The following FGF14 variants were observed in gnomAD, a reference collection of about 807,000 sequenced individuals.
FGF14 encodes the protein fibroblast growth factor 14.
FGF14 carries 5 observed loss-of-function variants against 25.5 expected under a neutral mutation model. The ratio of observed to expected loss-of-function variants is 0.20; its 90% CI spans 0.10 to 0.41. The LOEUF (loss-of-function observed/expected upper bound fraction) is 0.41, where lower values mean the gene tolerates loss of function less well. FGF14 is among the 10% of genes least tolerant of loss of function. The probability of loss-of-function intolerance (pLI) is 1.00; values close to 1 mark genes in which losing one functional copy is unlikely to be tolerated. For missense variants in FGF14, 222 were observed against 320.1 expected, an observed-to-expected ratio of 0.69 and a Z score of 2.34; for synonymous variants, 138 against 118.3, an observed-to-expected ratio of 1.17 and a Z score of -1.08.
chr13:101,963,471 G>A (rs2036994972), intron 1 of FGF14, among the ~76,000 whole-genome samples: 1 of 151,700 alleles, frequency 6.6e-6, no homozygotes, highest in South Asian at 2.1e-4. Context: ...TTCCCCCTAT[G>A]TCACAAACTA....
intron 1 of FGF14, among the ~76,000 whole-genome samples, chr13:102,127,162 A>C (rs1037039827): frequency 2.6e-5 from 4 of 152,166 alleles, no homozygotes; most frequent in Admixed American, 2.6e-4. Context: ...CTACACATTC[A>C]TATTTACTCT....
intron 3 of FGF14, among the ~76,000 whole-genome samples, chr13:101,753,580 G>A (rs540547511): frequency 6.6e-6 from 1 of 152,148 alleles, no homozygotes; most frequent in Non-Finnish European, 1.5e-5. Flanking sequence ...TGAGGCAGGC[G>A]CATCACCTGA....
At chr13:102,165,676 A>C (rs12872124) in intron 1 of FGF14, among the ~76,000 whole-genome samples, 1 of 49,174 alleles carries the variant, frequency 2.0e-5, no homozygotes, top group Non-Finnish European at 3.5e-5. Context: ...GGGTGGGGGG[A>C]GGGGGGAGGG....
chr13:102,208,095 TAAGTC>T (rs2050011723), intron 1 of FGF14, among the ~76,000 whole-genome samples: 1 of 152,170 alleles, frequency 6.6e-6, no homozygotes, highest in African/African-American at 2.4e-5. Flanking sequence ...TTGAAAAACA[TAAGTC>T]ACCTCTCTTC....
chr13:102,323,835 T>C (rs2152695), intron 1 of FGF14, among the ~76,000 whole-genome samples: 23,066 of 152,190 alleles, frequency 0.15, 2,180 homozygotes, highest in East Asian at 0.4. Context: ...CTCCCACTTG[T>C]AATGTACAAC....
intron 1 of FGF14, among the ~76,000 whole-genome samples, chr13:101,977,681 C>T (rs1307353276): frequency 1.3e-5 from 2 of 152,086 alleles, no homozygotes; most frequent in Non-Finnish European, 2.9e-5. Flanking sequence ...CCGAGTGATC[C>T]CTGGGATGCA....
intron 1 of FGF14, among the ~76,000 whole-genome samples, chr13:102,306,087 A>G (rs1434006719): frequency 1.3e-5 from 2 of 152,182 alleles, no homozygotes; most frequent in Non-Finnish European, 2.9e-5. Context: ...TTCCCTAGAA[A>G]TTGGGCTGTA....
chr13:102,154,371 TAAAGA>T (rs1344367150), intron 1 of FGF14, among the ~76,000 whole-genome samples: 1 of 151,490 alleles, frequency 6.6e-6, no homozygotes, highest in Non-Finnish European at 1.5e-5. Flanking sequence ...TCAACATTCT[TAAAGA>T]AAAGAATTTT....
intron 1 of FGF14, among the ~76,000 whole-genome samples, chr13:102,024,324 T>C (rs994247046): frequency 6.6e-6 from 1 of 152,024 alleles, no homozygotes; most frequent in Non-Finnish European, 1.5e-5. Flanking sequence ...ATCCTAGGAG[T>C]GGGAAGAGGT....
chr13:102,327,400 G>GC (rs1160429623), intron 1 of FGF14, among the ~76,000 whole-genome samples: 1 of 152,184 alleles, frequency 6.6e-6, no homozygotes, highest in Non-Finnish European at 1.5e-5. Context: ...AATATACAAT[G>GC]CAAGGGCAAG....
At chr13:101,961,698 C>G (rs991252996) in intron 1 of FGF14, among the ~76,000 whole-genome samples, 1 of 152,104 alleles carries the variant, frequency 6.6e-6, no homozygotes, top group African/African-American at 2.4e-5. Context: ...GTCAGGAGAT[C>G]TAATGGTTTT....
chr13:102,154,007 G>A (rs2047203924), intron 1 of FGF14, among the ~76,000 whole-genome samples: 1 of 152,146 alleles, frequency 6.6e-6, no homozygotes, highest in African/African-American at 2.4e-5. Flanking sequence ...AGAGTCAAAG[G>A]CAGACTTTGT....
chr13:102,398,153 A>G (rs2058624958), intron 1 of FGF14, among the ~76,000 whole-genome samples: 1 of 152,108 alleles, frequency 6.6e-6, no homozygotes, highest in African/African-American at 2.4e-5. Context: ...AAAAGCATAT[A>G]TTGTGCAAAC....
chr13:102,090,161 C>CAG (rs1163453476), intron 1 of FGF14, among the ~76,000 whole-genome samples: 2 of 152,198 alleles, frequency 1.3e-5, no homozygotes, highest in African/African-American at 2.4e-5. Flanking sequence ...GTTGTGGACA[C>CAG]ATACTCATTG....
At chr13:101,740,151 G>A (rs1470539321) in intron 3 of FGF14, among the ~76,000 whole-genome samples, 9 of 152,266 alleles carry the variant, frequency 5.9e-5, no homozygotes, top group African/African-American at 2.2e-4. Context: ...TTGCAATCGG[G>A]GAGCTCAGAT....
intron 1 of FGF14, among the ~76,000 whole-genome samples, chr13:102,012,625 CAA>C (rs1177378595): frequency 6.6e-6 from 1 of 152,162 alleles, no homozygotes; most frequent in Non-Finnish European, 1.5e-5. Flanking sequence ...GAAATAGACT[CAA>C]TACCAAACAA....
intron 1 of FGF14, among the ~76,000 whole-genome samples, chr13:102,380,645 GT>G (rs2058161615): frequency 6.6e-6 from 1 of 152,110 alleles, no homozygotes; most frequent in Non-Finnish European, 1.5e-5. Context: ...ATCAAGGAAT[GT>G]TTACGTTTTG....
chr13:102,105,810 T>C (rs986702450), intron 1 of FGF14, among the ~76,000 whole-genome samples: 8 of 152,192 alleles, frequency 5.3e-5, no homozygotes, highest in Admixed American at 5.2e-4. Context: ...ATTCAACCAA[T>C]GAGTTAGGTA....
intron 1 of FGF14, among the ~76,000 whole-genome samples, chr13:102,341,380 T>C (rs1382214807): frequency 6.6e-6 from 1 of 152,200 alleles, no homozygotes; most frequent in East Asian, 1.9e-4. Flanking sequence ...ATATACAATA[T>C]CCATCATCCA....
Sources: gnomAD v4.1 joint callset for allele counts (sites outside exome capture counted in the v4.1 genomes callset) on GRCh38, gnomAD v4.1.1 for gene constraint, MANE v1.5 for transcripts, NCBI Gene and HGNC (gene_info 2026-07-23, HGNC 2026-07-21) for gene names.